C10orf67: variants seen among roughly 807,000 people sequenced by gnomAD.
The protein encoded by C10orf67 is chromosome 10 open reading frame 67.
In C10orf67, 60 loss-of-function variants were observed where a neutral mutation model predicts 35.6. The ratio of observed to expected loss-of-function variants is 1.68; its 90% CI spans 1.37 to 2.09. The LOEUF is 2.09. C10orf67 is among the 30% of genes most tolerant of loss of function. C10orf67 has a pLI of 0.00. For missense variants in C10orf67, 474 were observed against 330.2 expected (o/e 1.44, Z -3.38); for synonymous variants, 167 against 115.8 (o/e 1.44, Z -2.84).
chr10:23,298,030 C>T lies in C10orf67; in HGVS notation c.702+5274G>A, dbSNP rs144860148. Among the ~76,000 whole-genome samples, 473 of 152,120 alleles carry T rather than the reference C, an allele frequency of 3.1e-3. 14 individuals carry two copies. The East Asian group carries it at 0.05, about 16-fold the overall frequency. ...TAGCACTTTGGGAAGCTGAGGTGGG[C>T]GGATCACAAGGTCAGGAGATCGAGA... On this transcript the variant is annotated intron_variant, in intron 5 of 15. Transcript: ENST00000636213.
At chr10:23,282,899 A>G in intron 7 of C10orf67, among the ~76,000 whole-genome samples, 1 of 149,578 alleles carries the variant, frequency 6.7e-6, no homozygotes, top group East Asian at 2.1e-4. Flanking sequence ...GAGAAGACGG[A>G]TGGTTACCAG....
chr10:23,269,689 C>T (rs186545598), intron 8 of C10orf67, among the ~76,000 whole-genome samples: 59 of 150,444 alleles, frequency 3.9e-4, no homozygotes, highest in Non-Finnish European at 7.2e-4. Context: ...AAAATAAGTG[C>T]ATTGAAAAAG....
intron 10 of C10orf67, among the ~76,000 whole-genome samples, chr10:23,264,468 G>T (rs1208417549): frequency 6.6e-6 from 1 of 152,136 alleles, no homozygotes; most frequent in African/African-American, 2.4e-5. Flanking sequence ...GAGATACCCA[G>T]GCCACAATCA....
Position 23,267,207 on chromosome 10 carries a change from G to A in C10orf67, c.1023C>T (p.Ser341=). Residue 341 remains serine (S), a synonymous_variant, in exon 9 of 16, where the codon AGC becomes AGT. Coordinates refer to ENST00000636213, the MANE Select transcript of C10orf67 (RefSeq NM_001371909.1). Reference sequence around the variant, plus strand: ...CTTAAATACAAACCTTTACACTTAAGCTGCCATACTTTTTTCTCATTTCCT... The same window carrying A: ...CTTAAATACAAACCTTTACACTTAAACTGCCATACTTTTTTCTCATTTCCT... ...EDKEMRKKYG[S]LSVKVARSAK... 1 of 715,662 alleles carries A rather than the reference G, an allele frequency of 1.4e-6. No individual in the cohort carries two copies. Among genetic ancestry groups the A allele is most frequent in the Non-Finnish European group, 2.6e-6 (1 of 384,666 alleles). 44.3% of individuals were successfully genotyped at this position (715,662 alleles called of 1,614,324 possible). A position where few individuals can be genotyped will look rare whatever the true frequency, so the allele number is the denominator to read the frequency against.
At chr10:23,249,613 T>C (rs1842399895) in intron 12 of C10orf67, among the ~76,000 whole-genome samples, 1 of 152,212 alleles carries the variant, frequency 6.6e-6, no homozygotes, top group Non-Finnish European at 1.5e-5. Flanking sequence ...AGAATATACA[T>C]AGCCAGGTAT....
At chr10:23,327,524 A>T (rs2132363723) in intron 2 of C10orf67, among the ~76,000 whole-genome samples, 1 of 152,308 alleles carries the variant, frequency 6.6e-6, no homozygotes, top group African/African-American at 2.4e-5. Flanking sequence ...ATTAATAAAT[A>T]CAGATTTTTT....
chr10:23,319,039 T>C lies in C10orf67; in HGVS notation c.546+1702A>G, dbSNP rs1844845760. On this transcript the variant is annotated intron_variant, in intron 4 of 15. Transcript: ENST00000636213. ...TTGTTTTAGGTTCAGAGGGTACATG[T>C]ACAGGTTTATTACATGGGTAAATTG... 5.8e-5 allele frequency: 40 copies of C among 684,584 alleles called. 1 individual carries two copies. The highest frequency in any genetic ancestry group is 5.8e-4 in the South Asian group (37 of 63,366). 42.4% of individuals were successfully genotyped at this position (684,584 alleles called of 1,614,324 possible).
At chr10:23,273,501 A>G (rs997530876) in intron 8 of C10orf67, among the ~76,000 whole-genome samples, 3 of 152,202 alleles carry the variant, frequency 2.0e-5, no homozygotes, top group Non-Finnish European at 4.4e-5. Flanking sequence ...GCCTTAAAAA[A>G]TCTCATTGTA....
chr10:23,229,016 G>A (rs772837545), intron 13 of C10orf67, among the ~76,000 whole-genome samples: 3 of 152,276 alleles, frequency 2.0e-5, no homozygotes, highest in South Asian at 4.1e-4. Flanking sequence ...CATTGTGGAA[G>A]ACAGTGTGGC....
At chr10:23,264,224 A>G (rs1321597722) in intron 10 of C10orf67, among the ~76,000 whole-genome samples, 1 of 152,218 alleles carries the variant, frequency 6.6e-6, no homozygotes, top group Non-Finnish European at 1.5e-5. Flanking sequence ...AGAATAAACC[A>G]CAGTGGAAGG....
chr10:23,247,393 G>A (rs995590662), intron 12 of C10orf67, among the ~76,000 whole-genome samples: 1 of 152,224 alleles, frequency 6.6e-6, no homozygotes, highest in Admixed American at 6.5e-5. Context: ...ATTGCTTACA[G>A]TATTCAGTTA....
rs71395837 is a variant in C10orf67, at chr10:23,284,114, T to TAAA, written c.910-2039_910-2037dup. ...CCTGTTTTTAAGTGCATCCAGGGCT[T>TAAA]AAAAAAAAAAAAAAAAGGGTGGGGG... is the stretch of plus-strand genomic sequence containing the variant. On this transcript the variant is annotated intron_variant, in intron 7 of 15. Transcript: ENST00000636213. Among the ~76,000 whole-genome samples the TAAA allele has an allele frequency of 5.2e-3, 721 of 137,534 alleles. 10 individuals are homozygous for TAAA. The highest frequency in any genetic ancestry group is 0.012 in the African/African-American group (427 of 36,980). The allele number at this position is 137,534 out of a possible 152,430, so 90.2% of individuals were successfully genotyped here. A position where few individuals can be genotyped will look rare whatever the true frequency, so the allele number is the denominator to read the frequency against.
intron 6 of C10orf67, among the ~76,000 whole-genome samples, chr10:23,290,901 T>G (rs577043911): frequency 8.1e-4 from 124 of 152,316 alleles, no homozygotes; most frequent in African/African-American, 3.0e-3. Flanking sequence ...ATGTCTGTCT[T>G]GAAACAACAC....
chr10:23,340,524 G>C (rs1317605373), intron 1 of C10orf67, among the ~76,000 whole-genome samples: 1 of 152,086 alleles, frequency 6.6e-6, no homozygotes, highest in Non-Finnish European at 1.5e-5. Flanking sequence ...GGAAATGGCA[G>C]ATTCTTCTTC....
chr10:23,259,432 TTGA>T (rs1329508573), intron 10 of C10orf67, among the ~76,000 whole-genome samples: 2 of 152,194 alleles, frequency 1.3e-5, no homozygotes, highest in Non-Finnish European at 2.9e-5. Context: ...TTGAGTTAGG[TTGA>T]TTCTATTTCC....
intron 1 of C10orf67, among the ~76,000 whole-genome samples, chr10:23,342,248 ACACTTACT>A: frequency 6.6e-6 from 1 of 151,706 alleles, no homozygotes; most frequent in South Asian, 2.1e-4. Context: ...ACACTCTCAC[ACACTTACT>A]CACTTTCCTC....
chr10:23,241,506 G>A (rs569509351), intron 12 of C10orf67, among the ~76,000 whole-genome samples: 1 of 152,218 alleles, frequency 6.6e-6, no homozygotes, highest in Non-Finnish European at 1.5e-5. Context: ...GTTGACTGTA[G>A]TAGAGTGAAC....
intron 15 of C10orf67, among the ~76,000 whole-genome samples, chr10:23,204,814 G>A (rs1841114728): frequency 6.6e-6 from 1 of 152,184 alleles, no homozygotes; most frequent in South Asian, 2.1e-4. Context: ...TGCCCTGTGG[G>A]GAGGAACATT....
chr10:23,250,421 T>C (rs1767909916), intron 12 of C10orf67, 34 bp downstream of exon 12: 1 of 398,234 alleles, frequency 2.5e-6, no homozygotes, highest in African/African-American at 2.1e-5. Flanking sequence ...TAGTCATGTT[T>C]TTAGAAATAG....
Sources: gnomAD v4.1 joint callset for allele counts (sites outside exome capture counted in the v4.1 genomes callset) on GRCh38, gnomAD v4.1.1 for gene constraint, MANE v1.5 for transcripts, NCBI Gene and HGNC (gene_info 2026-07-23, HGNC 2026-07-21) for gene names.